Variants in ST18 observed in about 807,000 individuals in gnomAD.
ST18 encodes the protein suppression of tumorigenicity 18 protein.
A neutral mutation model predicts 110.0 loss-of-function variants in ST18; 50 were observed. The ratio of observed to expected loss-of-function variants is 0.45; its 90% CI spans 0.36 to 0.58. The LOEUF (loss-of-function observed/expected upper bound fraction) is 0.58. Among genes scored for constraint, ST18 ranks in the 20% least tolerant of loss-of-function variants. The probability of loss-of-function intolerance (pLI) is 0.00; values close to 1 mark genes in which losing one functional copy is unlikely to be tolerated. For synonymous variants in ST18, 461 were observed against 452.4 expected, an observed-to-expected ratio of 1.02 and a Z score of -0.24; for missense variants, 1,306 against 1,280.1, an observed-to-expected ratio of 1.02 and a Z score of -0.31.
At chr8:52,122,371 T>A (rs536133933) in intron 23 of ST18, among the ~76,000 whole-genome samples, 1 of 152,174 alleles carries the variant, frequency 6.6e-6, no homozygotes, top group Non-Finnish European at 1.5e-5. Flanking sequence ...TCTCAACTTA[T>A]GAGGCTTTAA....
chr8:52,114,462 G>A (rs774609521), intron 25 of ST18, among the ~76,000 whole-genome samples: 3 of 152,120 alleles, frequency 2.0e-5, no homozygotes, highest in Non-Finnish European at 2.9e-5. Context: ...GACTTACTTC[G>A]CAAAGGTGCT....
In ST18 at chr8:52,149,870, TG is replaced by T; in HGVS notation, c.1913del (p.Pro638GlnfsTer51). The T allele has an allele frequency of 6.2e-7, 1 of 1,614,166 alleles. No homozygotes were observed. On this transcript the variant is annotated frameshift_variant, in exon 16 of 26. Transcript: ENST00000689386. LOFTEE classifies it high-confidence loss of function. The stretch of plus-strand genomic sequence containing the variant: ...TTTTGAATGGGGAAGAGGAAGGAGT[TG>T]GAATAGAAGTGTTAGAGGAAGTTAG... ...APLTSSNTSI[P>X]TPSSSPFKTS...
intron 2 of ST18, among the ~76,000 whole-genome samples, chr8:52,375,364 C>T (rs1029053182): frequency 6.6e-6 from 1 of 152,174 alleles, no homozygotes; most frequent in African/African-American, 2.4e-5. Flanking sequence ...TCCCATGAGG[C>T]TTCCCTTAGC....
intron 22 of ST18, among the ~76,000 whole-genome samples, chr8:52,128,694 T>C (rs2048041689): frequency 6.6e-6 from 1 of 152,204 alleles, no homozygotes; most frequent in Non-Finnish European, 1.5e-5. Flanking sequence ...CTCAGCTTGG[T>C]GCCTGGCCCA....
At chr8:52,137,586 G>A (rs1340325422) in intron 17 of ST18, 103 bp from the exon 18 acceptor site, 29 of 1,102,982 alleles carry the variant, frequency 2.6e-5, no homozygotes, top group Non-Finnish European at 1.3e-6. Context: ...TGCGAGATAA[G>A]TTAACACAGT....
chr8:52,400,726 C>T (rs530187347), intron 2 of ST18, among the ~76,000 whole-genome samples: 1 of 152,116 alleles, frequency 6.6e-6, no homozygotes, highest in Non-Finnish European at 1.5e-5. Flanking sequence ...CTGTCATCCA[C>T]AATTTATGTT....
chr8:52,396,376 T>C (rs1041681442), intron 2 of ST18, among the ~76,000 whole-genome samples: 3 of 152,190 alleles, frequency 2.0e-5, no homozygotes, highest in African/African-American at 7.2e-5. Flanking sequence ...TATTTTTCTT[T>C]CTGTGTCTGG....
intron 23 of ST18, 135 bp from the exon 24 acceptor site, chr8:52,118,576 A>G: frequency 1.9e-6 from 1 of 516,368 alleles, no homozygotes; most frequent in Non-Finnish European, 3.3e-6. Context: ...CATATCTAGG[A>G]TTCTGAAAAA....
At chr8:52,214,921 T>C (rs772707381) in intron 6 of ST18, among the ~76,000 whole-genome samples, 1 of 152,194 alleles carries the variant, frequency 6.6e-6, no homozygotes, top group Non-Finnish European at 1.5e-5. Flanking sequence ...TGTCATCAAA[T>C]CAATTATCAA....
chr8:52,402,624 C>T (rs1215035697), intron 2 of ST18, among the ~76,000 whole-genome samples: 1 of 152,150 alleles, frequency 6.6e-6, no homozygotes, highest in Non-Finnish European at 1.5e-5. Context: ...AGTGGGGGTA[C>T]TGCATAGTGA....
At chr8:52,223,136 G>A (rs2087627711) in intron 3 of ST18, among the ~76,000 whole-genome samples, 1 of 152,070 alleles carries the variant, frequency 6.6e-6, no homozygotes, top group Non-Finnish European at 1.5e-5. Context: ...CAATAATTAG[G>A]GACTCTCAGT....
intron 2 of ST18, among the ~76,000 whole-genome samples, chr8:52,344,136 T>C (rs1223790917): frequency 1.3e-5 from 2 of 152,234 alleles, no homozygotes; most frequent in African/African-American, 4.8e-5. Context: ...GTCAGAACTT[T>C]TGTTATTATC....
intron 2 of ST18, chr8:52,403,974 T>C (rs1266570196): frequency 6.6e-6 from 1 of 152,204 alleles, no homozygotes; most frequent in African/African-American, 2.4e-5. Flanking sequence ...GTCTAACATT[T>C]GATGTAAATC....
intron 8 of ST18, among the ~76,000 whole-genome samples, chr8:52,195,895 A>T (rs2076047584): frequency 6.6e-6 from 1 of 152,208 alleles, no homozygotes; most frequent in African/African-American, 2.4e-5. Context: ...TGGGGGATAC[A>T]AGTATTGTAC....
At chr8:52,381,214 G>A (rs1010665174) in intron 2 of ST18, among the ~76,000 whole-genome samples, 1 of 152,140 alleles carries the variant, frequency 6.6e-6, no homozygotes, top group Non-Finnish European at 1.5e-5. Flanking sequence ...CTAAAAACCA[G>A]TACCTGCCAC....
chr8:52,308,692 G>T (rs1183153657), intron 2 of ST18, among the ~76,000 whole-genome samples: 1 of 152,192 alleles, frequency 6.6e-6, no homozygotes, highest in Non-Finnish European at 1.5e-5. Flanking sequence ...TTTGGCCAGG[G>T]TTCTGAAGCT....
At chr8:52,285,825 T>C (rs1245754836) in intron 2 of ST18, among the ~76,000 whole-genome samples, 2 of 152,208 alleles carry the variant, frequency 1.3e-5, no homozygotes, top group Non-Finnish European at 2.9e-5. Flanking sequence ...ATTAGGTGCA[T>C]TGACAAATCA....
At position 52,149,885 on chromosome 8, in the gene ST18, A is replaced by T. The variant is rs1225748520; in HGVS notation, c.1899T>A (p.Ser633=). 5 of 1,614,072 alleles carry T rather than the reference A, an allele frequency of 3.1e-6. No individual in the cohort carries two copies. Among genetic ancestry groups the T allele is most frequent in the Non-Finnish European group, 4.2e-6 (5 of 1,180,052 alleles). ...ILDKSAPLTS[S]NTSIPTPSSS... ...AGGAAGGAGTTGGAATAGAAGTGTT[A>T]GAGGAAGTTAGGGGTGCAGACTTGT... Residue 633 remains serine, a synonymous_variant, in exon 16 of 26, where the codon TCT becomes TCA. Coordinates refer to ENST00000689386, the MANE Select transcript of ST18 (RefSeq NM_001352837.2).
At chr8:52,164,295 A>G (rs2062266244) in intron 12 of ST18, among the ~76,000 whole-genome samples, 1 of 152,232 alleles carries the variant, frequency 6.6e-6, no homozygotes, top group Non-Finnish European at 1.5e-5. Flanking sequence ...TCAGAGGTGA[A>G]AGGTAACAAA....
Sources: gnomAD v4.1 joint callset for allele counts (sites outside exome capture counted in the v4.1 genomes callset) on GRCh38, gnomAD v4.1.1 for gene constraint, MANE v1.5 for transcripts, NCBI Gene and HGNC (gene_info 2026-07-23, HGNC 2026-07-21) for gene names.